Variants in ANO4 observed in about 807,000 individuals in gnomAD.
The protein encoded by ANO4 is anoctamin 4.
A neutral mutation model predicts 141.9 loss-of-function variants in ANO4; 69 were observed. That is an observed-to-expected ratio of 0.49 (90% CI 0.40 to 0.59). The LOEUF is 0.59. Among genes scored for constraint, ANO4 ranks in the 20% least tolerant of loss-of-function variants. ANO4 has a pLI of 0.00. For synonymous variants in ANO4, 350 were observed against 394.3 expected, an observed-to-expected ratio of 0.89 and a Z score of 1.33; for missense variants, 894 against 1,162.2, an observed-to-expected ratio of 0.77 and a Z score of 3.36.
intron 1 of ANO4, among the ~76,000 whole-genome samples, chr12:100,844,488 T>C (rs1324507891): frequency 2.6e-5 from 4 of 151,686 alleles, no homozygotes; most frequent in Admixed American, 2.6e-4. Context: ...AAAAGGGTGG[T>C]GGATTGGATG....
Position 101,097,829 on chromosome 12 carries a change from G to A in ANO4, c.1909-19G>A, listed in dbSNP as rs753200005. 6.2e-7 allele frequency: 1 copy of A among 1,611,716 alleles called. No homozygotes were observed. The highest frequency in any genetic ancestry group is 1.1e-5 in the South Asian group (1 of 91,020). On this transcript the variant is annotated intron_variant, in intron 20 of 27. Transcript: ENST00000392977. ...CCTCTCCATTGATTCTGGAATTTCTGTGTTTGCTTACCTTGCAGTGCCACC... is the reference window on the plus strand; with the variant it reads ...CCTCTCCATTGATTCTGGAATTTCTATGTTTGCTTACCTTGCAGTGCCACC...
intron 1 of ANO4, among the ~76,000 whole-genome samples, chr12:100,870,821 T>C (rs964531530): frequency 7.9e-5 from 12 of 152,218 alleles, no homozygotes; most frequent in African/African-American, 2.9e-4. Flanking sequence ...TCCAAATGTA[T>C]AATTATACAG....
At chr12:101,120,144 C>G (rs552891933) in intron 25 of ANO4, among the ~76,000 whole-genome samples, 21 of 152,200 alleles carry the variant, frequency 1.4e-4, no homozygotes, top group Non-Finnish European at 2.9e-4. Flanking sequence ...ACTTCCTTCT[C>G]AAGCAGGCTC....
chr12:100,937,593 C>G (rs992563949), intron 3 of ANO4, among the ~76,000 whole-genome samples: 6 of 152,080 alleles, frequency 3.9e-5, no homozygotes, highest in Non-Finnish European at 7.4e-5. Context: ...TTCTTTGTAG[C>G]CTTATAGGTC....
intron 7 of ANO4, among the ~76,000 whole-genome samples, chr12:100,983,355 C>T (rs1459933851): frequency 6.6e-6 from 1 of 152,178 alleles, no homozygotes; most frequent in Non-Finnish European, 1.5e-5. Context: ...AATTTAACAG[C>T]ATAAGACTAC....
chr12:100,733,966 G>T, intron 2 of ANO4: 1 of 589,036 alleles, frequency 1.7e-6, no homozygotes, highest in African/African-American at 1.9e-5. Context: ...AAATGCATAG[G>T]CATTTATTTT....
intron 18 of ANO4, 109 bp from the exon 19 acceptor site, chr12:101,096,427 C>A: frequency 1.2e-6 from 1 of 802,670 alleles, no homozygotes; most frequent in Non-Finnish European, 2.1e-6. Context: ...CTCCTGCAGC[C>A]TCCTCAGGAC....
intron 1 of ANO4, among the ~76,000 whole-genome samples, chr12:100,890,799 C>A (rs1039359401): frequency 2.6e-5 from 4 of 152,164 alleles, no homozygotes; most frequent in Non-Finnish European, 4.4e-5. Context: ...CACATCATCA[C>A]CCAGAGTCCA....
intron 1 of ANO4, among the ~76,000 whole-genome samples, chr12:100,835,241 C>T (rs568209283): frequency 6.6e-6 from 1 of 151,966 alleles, no homozygotes; most frequent in South Asian, 2.1e-4. Flanking sequence ...CATTTTGCAT[C>T]CTGGGTGGCT....
At chr12:100,918,114 G>T (rs1163907077) in intron 2 of ANO4, among the ~76,000 whole-genome samples, 1 of 152,166 alleles carries the variant, frequency 6.6e-6, no homozygotes, top group Non-Finnish European at 1.5e-5. Flanking sequence ...ATCACTTGTG[G>T]TCAAGAGTTT....
intron 26 of ANO4, among the ~76,000 whole-genome samples, chr12:101,123,343 T>C (rs537220417): frequency 6.6e-6 from 1 of 152,290 alleles, no homozygotes; most frequent in African/African-American, 2.4e-5. Flanking sequence ...CCAGGGTACA[T>C]GTGCAGGACA....
intron 5 of ANO4, among the ~76,000 whole-genome samples, chr12:100,956,880 C>T (rs980523284): frequency 3.3e-5 from 5 of 152,186 alleles, no homozygotes; most frequent in African/African-American, 1.2e-4. Flanking sequence ...GTTGACAGAA[C>T]ACAGTTAAGC....
intron 1 of ANO4, among the ~76,000 whole-genome samples, chr12:100,900,037 GTA>G (rs1388602837): frequency 3.9e-5 from 6 of 151,932 alleles, no homozygotes; most frequent in African/African-American, 1.5e-4. Flanking sequence ...TGTTTCACAT[GTA>G]CTATCTAATG....
intron 1 of ANO4, among the ~76,000 whole-genome samples, chr12:100,846,947 C>G (rs78605593): frequency 2.2e-3 from 9 of 4,070 alleles, no homozygotes; most frequent in African/African-American, 0.015. Flanking sequence ...CCTTCCACAC[C>G]CCCCCCCAAC....
intron 1 of ANO4, among the ~76,000 whole-genome samples, chr12:100,819,817 T>C (rs545228807): frequency 1.3e-5 from 2 of 152,028 alleles, no homozygotes; most frequent in South Asian, 2.1e-4. Flanking sequence ...AGAAACTGAG[T>C]AAGTTCCTCT....
At chr12:101,025,509 A>T (rs1593049894) in intron 9 of ANO4, among the ~76,000 whole-genome samples, 1 of 152,330 alleles carries the variant, frequency 6.6e-6, no homozygotes, top group South Asian at 2.1e-4. Context: ...AGATCTGTAG[A>T]GGGTCTCCCT....
chr12:100,796,004 C>T (rs1031808576), intron 1 of ANO4, among the ~76,000 whole-genome samples: 1 of 151,148 alleles, frequency 6.6e-6, no homozygotes, highest in African/African-American at 2.4e-5. Flanking sequence ...TAGTTTCACT[C>T]CTGTGCGTTG....
chr12:100,986,402 A>G lies in ANO4; in HGVS notation c.603-1137A>G, dbSNP rs574348868. ...CTTTTTTGTCCTATTCAGGTCCTCAATGGATTAGATGGTGCCCACCTGTGT... is the reference window on the plus strand; with the variant it reads ...CTTTTTTGTCCTATTCAGGTCCTCAGTGGATTAGATGGTGCCCACCTGTGT... On this transcript the variant is annotated intron_variant, in intron 7 of 27. Transcript: ENST00000392977. Among the ~76,000 whole-genome samples the G allele has an allele frequency of 4.8e-4, 73 of 152,222 alleles. 1 individual carries two copies. In the South Asian group the frequency reaches 8.3e-3, roughly 17 times the overall value.
At chr12:101,068,716 A>C in intron 14 of ANO4, 1 of 1,297,216 alleles carries the variant, frequency 7.7e-7, no homozygotes, top group Non-Finnish European at 1.1e-6. Context: ...AGCTGACAAA[A>C]TGACCAGATC....
Sources: allele counts gnomAD v4.1 joint callset (sites outside exome capture counted in the v4.1 genomes callset), GRCh38; gene constraint gnomAD v4.1.1; transcripts MANE v1.5; gene names NCBI Gene and HGNC (gene_info 2026-07-23, HGNC 2026-07-21).